The following BRAF variants were observed in gnomAD, a reference collection of about 807,000 sequenced individuals.
The protein encoded by BRAF is serine/threonine-protein kinase B-raf.
A neutral mutation model predicts 104.6 loss-of-function variants in BRAF; 16 were observed. The ratio of observed to expected loss-of-function variants is 0.15; its 90% CI spans 0.10 to 0.23. The LOEUF (loss-of-function observed/expected upper bound fraction) is 0.23, where lower values mean the gene tolerates loss of function less well. Among genes scored for constraint, BRAF ranks in the 10% least tolerant of loss-of-function variants. The probability of loss-of-function intolerance (pLI) is 1.00; values close to 1 mark genes in which losing one functional copy is unlikely to be tolerated. For synonymous variants in BRAF, 310 were observed against 341.6 expected (o/e 0.91, Z 1.02); for missense variants, 541 against 937.3 (o/e 0.58, Z 5.52).
intron 17 of BRAF, among the ~76,000 whole-genome samples, chr7:140,742,967 A>G: frequency 6.6e-6 from 1 of 152,176 alleles, no homozygotes; most frequent in East Asian, 1.9e-4. Context: ...AAAACACATG[A>G]AAAAATGCTC....
At chr7:140,829,984 A>C (rs1806538558) in intron 3 of BRAF, among the ~76,000 whole-genome samples, 1 of 152,172 alleles carries the variant, frequency 6.6e-6, no homozygotes, top group Admixed American at 6.5e-5. Context: ...TTTATCTCAT[A>C]TCTTAAAAGG....
intron 1 of BRAF, among the ~76,000 whole-genome samples, chr7:140,893,484 C>T (rs1039428578): frequency 1.3e-5 from 2 of 152,036 alleles, no homozygotes; most frequent in Non-Finnish European, 2.9e-5. Context: ...CTCTTGACCT[C>T]GTGATCTGCC....
At chr7:140,824,488 G>A (rs574280602) in intron 3 of BRAF, 1 of 152,226 alleles carries the variant, frequency 6.6e-6, no homozygotes, top group Non-Finnish European at 1.5e-5. Context: ...ACTCTCATCT[G>A]TCTGCATGCC....
chr7:140,913,132 A>T (rs77641937), intron 1 of BRAF, among the ~76,000 whole-genome samples: 1 of 152,170 alleles, frequency 6.6e-6, no homozygotes, highest in East Asian at 1.9e-4. Context: ...TTAAATTGCT[A>T]CCTACCCCCA....
rs575745608 is a variant in BRAF, at chr7:140,819,414, C to A, written c.505-10419G>T. On this transcript the variant is annotated intron_variant, in intron 3 of 19. Transcript: ENST00000644969. Reference sequence around the variant, plus strand: ...TGGCAGTGATGTGAAAAAAACAGAACCCTCATGCTCAAGGGAAAGTAAAAT... The same window carrying A: ...TGGCAGTGATGTGAAAAAAACAGAAACCTCATGCTCAAGGGAAAGTAAAAT... Among the ~76,000 whole-genome samples, 33 of 152,190 alleles carry A rather than the reference C, an allele frequency of 2.2e-4. No homozygotes were observed. The East Asian group carries it at 2.5e-3, about 12-fold the overall frequency.
At chr7:140,814,596 C>T (rs903104164) in intron 3 of BRAF, among the ~76,000 whole-genome samples, 2 of 151,276 alleles carry the variant, frequency 1.3e-5, no homozygotes, top group Non-Finnish European at 2.9e-5. Context: ...ACTTAGGAGG[C>T]GGAGGTTGTA....
At chr7:140,831,466 C>T (rs1176044055) in intron 3 of BRAF, among the ~76,000 whole-genome samples, 2 of 152,154 alleles carry the variant, frequency 1.3e-5, no homozygotes, top group African/African-American at 4.8e-5. Flanking sequence ...TCACATAGAA[C>T]TCTCCAGGCA....
chr7:140,898,610 C>T (rs1203936774), intron 1 of BRAF, among the ~76,000 whole-genome samples: 5 of 152,128 alleles, frequency 3.3e-5, no homozygotes, highest in Non-Finnish European at 7.4e-5. Flanking sequence ...TCCATTAAAG[C>T]ATAACTGTAA....
intron 1 of BRAF, among the ~76,000 whole-genome samples, chr7:140,912,935 T>C (rs991470632): frequency 1.3e-5 from 2 of 152,206 alleles, no homozygotes; most frequent in African/African-American, 4.8e-5. Context: ...AAGAGATCCT[T>C]CCCTAATCCC....
chr7:140,808,351 CAAAAAAAA>C (rs35843886), intron 4 of BRAF: 403 of 198,482 alleles, frequency 2.0e-3, no homozygotes, highest in East Asian at 5.1e-3. Flanking sequence ...TCCTGGGGTC[CAAAAAAAA>C]AAAAAAAAAA....
chr7:140,819,923 T>A (rs1197236906), intron 3 of BRAF, among the ~76,000 whole-genome samples: 1 of 152,216 alleles, frequency 6.6e-6, no homozygotes, highest in Admixed American at 6.5e-5. Flanking sequence ...TTTGTGAATA[T>A]ACAAAAATCA....
chr7:140,754,357 T>C, intron 14 of BRAF, 124 bp from the exon 14 acceptor site: 4 of 798,754 alleles, frequency 5.0e-6, no homozygotes, highest in Non-Finnish European at 8.8e-6. Flanking sequence ...AATAGTACAT[T>C]GTAATAAACC....
intron 1 of BRAF, among the ~76,000 whole-genome samples, chr7:140,901,479 T>C (rs1177619091): frequency 6.6e-6 from 1 of 152,228 alleles, no homozygotes; most frequent in African/African-American, 2.4e-5. Context: ...TTGGCTATTC[T>C]TGCCTCTTTA....
At chr7:140,749,494 A>G (rs999442631) in intron 16 of BRAF, 76 bp from the exon 16 acceptor site, 84 of 1,488,262 alleles carry the variant, frequency 5.6e-5, no homozygotes, top group Non-Finnish European at 7.6e-5. Context: ...TATAATTCCT[A>G]GAGCAATGCT....
At chr7:140,728,520 TAA>T (rs941899290) in intron 19 of BRAF, among the ~76,000 whole-genome samples, 1 of 150,560 alleles carries the variant, frequency 6.6e-6, no homozygotes, top group Non-Finnish European at 1.5e-5. Flanking sequence ...TATTTAAAGT[TAA>T]GAGGATTGGG....
Position 140,780,129 on chromosome 7 carries a change from A to C in BRAF, c.1552+1447T>G, listed in dbSNP as rs567901137. 3.2e-3 allele frequency among the ~76,000 whole-genome samples: 493 copies of C among 152,290 alleles called. 3 individuals are homozygous for C. The highest frequency in any genetic ancestry group is 0.011 in the African/African-American group (471 of 41,554). On this transcript the variant is annotated intron_variant, in intron 12 of 19. Transcript: ENST00000644969. ...TTGAAGGTATAAAAAAATTCCCTTA[A>C]TTATGTCACTCAAAAGTGACATTAT...
In BRAF at chr7:140,924,419, G is replaced by C. The variant is rs1224981618; in HGVS notation, c.138+147C>G. The C allele has an allele frequency of 5.0e-6, 6 of 1,202,336 alleles. No homozygotes were observed. In the African/African-American group the frequency reaches 9.3e-5, roughly 19 times the overall value. The allele number at this position is 1,202,336 out of a possible 1,614,324, so 74.5% of individuals were successfully genotyped here. A position where few individuals can be genotyped will look rare whatever the true frequency, so the allele number is the denominator to read the frequency against. The stretch of plus-strand genomic sequence containing the variant: ...CGCTGCATGACGGAGAGGGACACGG[G>C]GGCGATGCCCACCTCCCAGCCCGCG... On this transcript the variant is annotated intron_variant, in intron 1 of 19. Coordinates refer to ENST00000644969, the MANE Select transcript of BRAF (RefSeq NM_001374258.1). This position sits in a 1 kb window ranked among gnomAD's most constrained non-coding sequence, Gnocchi z 4.2.
intron 7 of BRAF, among the ~76,000 whole-genome samples, chr7:140,796,136 A>T (rs753041476): frequency 7.9e-5 from 12 of 152,142 alleles, no homozygotes; most frequent in Non-Finnish European, 1.5e-4. Context: ...GGATCACCTG[A>T]GGTCAGGAGT....
intron 19 of BRAF, chr7:140,730,813 A>G (rs1471274118): frequency 6.6e-6 from 1 of 152,008 alleles, no homozygotes; most frequent in Middle Eastern, 3.2e-3. Context: ...TAAAAATATT[A>G]CTCTTACCCT....
Sources: allele counts gnomAD v4.1 joint callset (sites outside exome capture counted in the v4.1 genomes callset), GRCh38; gene constraint gnomAD v4.1.1; non-coding constraint Gnocchi (gnomAD v3.1); transcripts MANE v1.5; gene names NCBI Gene and HGNC (gene_info 2026-07-23, HGNC 2026-07-21).